BTBD1: variants seen among roughly 807,000 people sequenced by gnomAD.
BTBD1 encodes the protein BTB domain containing 1.
Under a neutral mutation model 48.0 loss-of-function variants are expected in BTBD1, and 34 were observed. The observed-to-expected ratio is 0.71, with a 90% CI of 0.54 to 0.94. The LOEUF is 0.94. BTBD1 is among the 40% of genes least tolerant of loss of function. The pLI is 0.00. For missense variants in BTBD1, 543 were observed against 625.6 expected, an observed-to-expected ratio of 0.87 and a Z score of 1.41; for synonymous variants, 261 against 242.1, an observed-to-expected ratio of 1.08 and a Z score of -0.72.
At chr15:83,063,278 G>T (rs2033204824) in intron 1 of BTBD1, among the ~76,000 whole-genome samples, 1 of 152,070 alleles carries the variant, frequency 6.6e-6, no homozygotes, top group Non-Finnish European at 1.5e-5. Context: ...AATCTCACTT[G>T]ATCTCTCGAT....
intron 4 of BTBD1, among the ~76,000 whole-genome samples, chr15:83,037,974 C>G (rs1453385677): frequency 1.3e-5 from 2 of 152,150 alleles, no homozygotes; most frequent in African/African-American, 4.8e-5. Context: ...ATCCCAGCTA[C>G]TCGGGAGGCT....
At chr15:83,031,789 A>T (rs1020373467) in intron 4 of BTBD1, among the ~76,000 whole-genome samples, 1 of 152,178 alleles carries the variant, frequency 6.6e-6, no homozygotes, top group Admixed American at 6.5e-5. Context: ...AAAAAAAAAA[A>T]GAAGATATAC....
intron 5 of BTBD1, among the ~76,000 whole-genome samples, chr15:83,025,357 CA>C (rs767479917): frequency 0.3 from 19,515 of 65,102 alleles, 908 homozygotes; most frequent in East Asian, 0.42. Context: ...GACTCCATCA[CA>C]AAAAAAAAAA....
intron 1 of BTBD1, among the ~76,000 whole-genome samples, chr15:83,064,698 G>A (rs1596446553): frequency 9.5e-6 from 1 of 105,800 alleles, no homozygotes; most frequent in Non-Finnish European, 2.1e-5. Context: ...TATATAATGA[G>A]GATGAGATCT....
chr15:83,052,362 G>C (rs758541486), intron 2 of BTBD1, among the ~76,000 whole-genome samples: 1 of 152,046 alleles, frequency 6.6e-6, no homozygotes, highest in Non-Finnish European at 1.5e-5. Context: ...TTTTTGGTGT[G>C]AGCCATCAGG....
rs1555441191 is a variant in BTBD1 at position 83,051,877 on chromosome 15, T to TATACAC, written c.559-1700_559-1699insGTGTAT. On this transcript the variant is annotated intron_variant, in intron 2 of 7. Coordinates refer to ENST00000261721, the MANE Select transcript of BTBD1 (RefSeq NM_025238.4). ...TTTATTAATTTTTTTTCCATATATA[T>TATACAC]ACACACACACACACACACACACACA... Among the ~76,000 whole-genome samples, 41 of 138,816 alleles carry TATACAC rather than the reference T, an allele frequency of 3.0e-4. 1 individual carries two copies. Among genetic ancestry groups the TATACAC allele is most frequent in the African/African-American group, 1.1e-3 (38 of 36,030 alleles). 91.1% of individuals were successfully genotyped at this position (138,816 alleles called of 152,430 possible).
chr15:83,036,751 C>G (rs183376992), intron 4 of BTBD1, among the ~76,000 whole-genome samples: 1 of 152,158 alleles, frequency 6.6e-6, no homozygotes, highest in African/African-American at 2.4e-5. Context: ...ACTACTGCCA[C>G]ACTCAACCAC....
chr15:83,043,125 C>A (rs2032800248), intron 3 of BTBD1, among the ~76,000 whole-genome samples: 1 of 152,268 alleles, frequency 6.6e-6, no homozygotes. Flanking sequence ...GCCCAGGCAA[C>A]AGAGTGAGAC....
At chr15:83,019,005 GGTGT>G (rs147308967) in intron 6 of BTBD1, 152 bp from the exon 7 acceptor site, 7 of 261,790 alleles carry the variant, frequency 2.7e-5, no homozygotes, top group East Asian at 1.2e-4. Flanking sequence ...GGTGGGGGGT[GGTGT>G]GTGTGTGTGT....
chr15:83,040,133 G>A (rs2032722408), intron 4 of BTBD1, among the ~76,000 whole-genome samples: 1 of 152,100 alleles, frequency 6.6e-6, no homozygotes, highest in African/African-American at 2.4e-5. Context: ...TGCAGAAACA[G>A]TAAACCAAAT....
chr15:83,043,349 G>GA (rs1459991682), intron 3 of BTBD1, among the ~76,000 whole-genome samples: 1 of 152,142 alleles, frequency 6.6e-6, no homozygotes, highest in East Asian at 1.9e-4. Flanking sequence ...TGAGCAGGAG[G>GA]GAAGAGTAGC....
At chr15:83,043,575 G>C (rs2032810148) in intron 3 of BTBD1, among the ~76,000 whole-genome samples, 3 of 152,196 alleles carry the variant, frequency 2.0e-5, no homozygotes. Flanking sequence ...GGTCAGGGAT[G>C]GTGGCCTGGA....
intron 3 of BTBD1, among the ~76,000 whole-genome samples, chr15:83,045,776 T>C (rs2032866789): frequency 6.6e-6 from 1 of 152,082 alleles, no homozygotes; most frequent in African/African-American, 2.4e-5. Context: ...GCAATCAATA[T>C]GACACAACCA....
At chr15:83,065,826 T>C (rs1443581247) in intron 1 of BTBD1, among the ~76,000 whole-genome samples, 2 of 152,210 alleles carry the variant, frequency 1.3e-5, no homozygotes, top group African/African-American at 4.8e-5. Context: ...GATGTCAATC[T>C]ACTATCCTCA....
At chr15:83,065,407 T>C (rs893697231) in intron 1 of BTBD1, among the ~76,000 whole-genome samples, 4 of 152,252 alleles carry the variant, frequency 2.6e-5, no homozygotes, top group African/African-American at 7.2e-5. Flanking sequence ...ATTTTTTCTT[T>C]CTCTAAGTTA....
chr15:83,059,587 C>A (rs1221592379), intron 1 of BTBD1, among the ~76,000 whole-genome samples: 1 of 152,128 alleles, frequency 6.6e-6, no homozygotes, highest in African/African-American at 2.4e-5. Flanking sequence ...ATAGCTTATA[C>A]ATTTTGTTTG....
At chr15:83,019,142 C>G (rs1160760662) in intron 6 of BTBD1, among the ~76,000 whole-genome samples, 3 of 151,922 alleles carry the variant, frequency 2.0e-5, no homozygotes, top group East Asian at 3.9e-4. Flanking sequence ...TCACTGAAAC[C>G]TCCACTTCCC....
At chr15:83,056,698 T>C (rs2033092031) in intron 1 of BTBD1, among the ~76,000 whole-genome samples, 153 bp from the exon 2 acceptor site, 1 of 71,060 alleles carries the variant, frequency 1.4e-5, no homozygotes, top group Non-Finnish European at 2.5e-5. Flanking sequence ...CAGCCATCCA[T>C]TCATCTATCC....
At chr15:83,048,958 A>T (rs982550975) in intron 3 of BTBD1, among the ~76,000 whole-genome samples, 3 of 152,218 alleles carry the variant, frequency 2.0e-5, no homozygotes, top group Admixed American at 6.5e-5. Context: ...CAAAGTGAAA[A>T]TTTTGAGGAG....
Sources: allele counts gnomAD v4.1 joint callset (sites outside exome capture counted in the v4.1 genomes callset), GRCh38; gene constraint gnomAD v4.1.1; transcripts MANE v1.5; gene names NCBI Gene and HGNC (gene_info 2026-07-23, HGNC 2026-07-21).